Variants in GLS observed in about 807,000 individuals in gnomAD.
GLS encodes the protein glutaminase kidney isoform, mitochondrial.
Under a neutral mutation model 86.7 loss-of-function variants are expected in GLS, and 36 were observed. The ratio of observed to expected loss-of-function variants is 0.42; its 90% CI spans 0.32 to 0.55. The LOEUF is 0.55. Ranked by LOEUF, GLS falls within the 20% of genes least tolerant of loss-of-function variation. The probability of loss-of-function intolerance (pLI) is 0.17; values close to 1 mark genes in which losing one functional copy is unlikely to be tolerated. For missense variants in GLS, 528 were observed against 833.4 expected (o/e 0.63, Z 4.51); for synonymous variants, 317 against 305.9 (o/e 1.04, Z -0.38).
Position 190,950,380 on chromosome 2 carries a change from G to A in GLS, c.1651-3185G>A, listed in dbSNP as rs138195168. 5.7e-3 allele frequency among the ~76,000 whole-genome samples: 862 copies of A among 152,324 alleles called. 13 individuals are homozygous for A. Among genetic ancestry groups the A allele is most frequent in the African/African-American group, 0.018 (760 of 41,576 alleles). On this transcript the variant is annotated intron_variant, in intron 14 of 17. Coordinates refer to ENST00000320717, the MANE Select transcript of GLS (RefSeq NM_014905.5). ...TCCCTATGGCAGCAGAGGTGATAAGGTGGTGGTTCAGATGAGGCCTAAGGC... is the reference window on the plus strand; with the variant it reads ...TCCCTATGGCAGCAGAGGTGATAAGATGGTGGTTCAGATGAGGCCTAAGGC...
At position 190,924,780 on chromosome 2, in the gene GLS, T is replaced by C. The variant is rs111482492; in HGVS notation, c.1248+187T>C. The stretch of plus-strand genomic sequence containing the variant: ...AAATACAAAAATTATTCGGGTGTGG[T>C]AGTGTGTGCCTGTAGTCCCAGTTAC... On this transcript the variant is annotated intron_variant, in intron 11 of 17. Coordinates refer to ENST00000320717, the MANE Select transcript of GLS (RefSeq NM_014905.5). The surrounding 1 kb of genome is among the most constrained non-coding windows in gnomAD (Gnocchi z 5.2). 1 of 492,252 alleles carries C rather than the reference T, an allele frequency of 2.0e-6. No individual in the cohort carries two copies. The allele number at this position is 492,252 out of a possible 1,614,324, so 30.5% of individuals were successfully genotyped here.
intron 14 of GLS, chr2:190,934,742 C>T: frequency 1.0e-6 from 1 of 973,256 alleles, no homozygotes; most frequent in Admixed American, 6.2e-5. Context: ...ATTTGTGTCA[C>T]TTACTATTTT....
At chr2:190,904,937 A>G (rs993063141) in intron 5 of GLS, 67 bp from the exon 6 acceptor site, 6 of 900,776 alleles carry the variant, frequency 6.7e-6, no homozygotes, top group African/African-American at 3.4e-5. Context: ...AAAAAGAATA[A>G]TTCCAACTAT....
intron 1 of GLS, among the ~76,000 whole-genome samples, chr2:190,882,477 A>G (rs1038677487): frequency 1.3e-5 from 2 of 151,646 alleles, no homozygotes; most frequent in Non-Finnish European, 2.9e-5. Flanking sequence ...ATTATACCTT[A>G]CTCTTTTTCT....
chr2:190,920,809 T>C lies in GLS; in HGVS notation c.1039-215T>C, dbSNP rs142349158. On this transcript the variant is annotated intron_variant, in intron 7 of 17. Coordinates refer to ENST00000320717, the MANE Select transcript of GLS (RefSeq NM_014905.5). This position sits in a 1 kb window ranked among gnomAD's most constrained non-coding sequence, Gnocchi z 4.2. ...GTAAAGATATACTTAAAATAAAGCA[T>C]TCCCTTTGTAATTCTAATGCATTCT... Among the ~76,000 whole-genome samples, 1 of 151,862 alleles carries C rather than the reference T, an allele frequency of 6.6e-6. No individual in the cohort carries two copies. Among genetic ancestry groups the C allele is most frequent in the East Asian group, 1.9e-4 (1 of 5,180 alleles).
chr2:190,887,083 A>T (rs1247712322), intron 1 of GLS, among the ~76,000 whole-genome samples: 1 of 152,224 alleles, frequency 6.6e-6, no homozygotes, highest in African/African-American at 2.4e-5. Context: ...GTTATATTTT[A>T]TAGTTGCCTG....
intron 7 of GLS, among the ~76,000 whole-genome samples, chr2:190,911,722 A>C (rs1253194599): frequency 6.6e-6 from 1 of 152,108 alleles, no homozygotes; most frequent in African/African-American, 2.4e-5. Context: ...AACACATACT[A>C]TAATGTATGT....
chr2:190,887,113 A>G (rs1319536178), intron 1 of GLS, among the ~76,000 whole-genome samples: 1 of 152,178 alleles, frequency 6.6e-6, no homozygotes, highest in African/African-American at 2.4e-5. Flanking sequence ...TTTCACCTTT[A>G]AGTCATTTGC....
At position 190,954,714 on chromosome 2, in the gene GLS, G is replaced by T. The variant is rs1361124068; in HGVS notation, c.1790-41G>T. On this transcript the variant is annotated intron_variant, in intron 16 of 17. Coordinates refer to ENST00000320717, the MANE Select transcript of GLS (RefSeq NM_014905.5). The surrounding 1 kb of genome is among the most constrained non-coding windows in gnomAD (Gnocchi z 4.0). ...TCTTTCCAGATTTAATTTCTACTTA[G>T]TACTAAAATCTGCTCTTTTTTTGGG... 6.2e-7 allele frequency: 1 copy of T among 1,611,610 alleles called. No individual in the cohort carries two copies. The highest frequency in any genetic ancestry group is 1.3e-5 in the African/African-American group (1 of 74,838).
chr2:190,911,426 A>C (rs1052199222), intron 7 of GLS, among the ~76,000 whole-genome samples: 1 of 152,138 alleles, frequency 6.6e-6, no homozygotes, highest in Non-Finnish European at 1.5e-5. Flanking sequence ...GTATTGGCCC[A>C]TTTAATTCTT....
intron 1 of GLS, among the ~76,000 whole-genome samples, chr2:190,886,984 G>A (rs1688405263): frequency 6.6e-6 from 1 of 151,596 alleles, no homozygotes; most frequent in South Asian, 2.1e-4. Context: ...TATTTGAAAT[G>A]AAGAAAAATT....
In GLS at chr2:190,924,053, G is replaced by T; in HGVS notation, c.1197+70G>T. ...TAAAATACATGAAGATGTATGCTAA[G>T]AATTCAACAATAGCCTTTAAGCAAC... On this transcript the variant is annotated intron_variant, in intron 10 of 17. Transcript: ENST00000320717. This position sits in a 1 kb window ranked among gnomAD's most constrained non-coding sequence, Gnocchi z 5.2. 1.2e-6 allele frequency: 1 copy of T among 831,770 alleles called. No individual in the cohort carries two copies. Among genetic ancestry groups the T allele is most frequent in the Non-Finnish European group, 2.0e-6 (1 of 502,640 alleles). The allele number at this position is 831,770 out of a possible 1,614,324, so 51.5% of individuals were successfully genotyped here. A position where few individuals can be genotyped will look rare whatever the true frequency, so the allele number is the denominator to read the frequency against.
intron 7 of GLS, among the ~76,000 whole-genome samples, chr2:190,911,597 G>T (rs529714366): frequency 5.9e-5 from 9 of 152,186 alleles, no homozygotes; most frequent in Non-Finnish European, 8.8e-5. Context: ...TGTAGTGTGG[G>T]ATATGCAAAA....
At chr2:190,917,057 A>C (rs1174638101) in intron 7 of GLS, among the ~76,000 whole-genome samples, 1 of 152,194 alleles carries the variant, frequency 6.6e-6, no homozygotes, top group Non-Finnish European at 1.5e-5. Context: ...TGAAGTTGCC[A>C]CATCAATTGA....
chr2:190,894,910 G>A (rs1443315006), intron 1 of GLS, among the ~76,000 whole-genome samples: 1 of 151,818 alleles, frequency 6.6e-6, no homozygotes, highest in Admixed American at 6.6e-5. Flanking sequence ...TAGAGTTGAT[G>A]ATCAGGGTTT....
At chr2:190,899,703 A>G (rs1236355278) in intron 3 of GLS, among the ~76,000 whole-genome samples, 1 of 152,126 alleles carries the variant, frequency 6.6e-6, no homozygotes, top group South Asian at 2.1e-4. Flanking sequence ...AGAATATACA[A>G]TTGGCTGTAA....
At chr2:190,893,877 G>A (rs917448900) in intron 1 of GLS, among the ~76,000 whole-genome samples, 3 of 152,114 alleles carry the variant, frequency 2.0e-5, no homozygotes, top group Non-Finnish European at 4.4e-5. Flanking sequence ...GAGCTGCCAC[G>A]CCCAGCTTCA....
At chr2:190,918,025 T>TA (rs544944078) in intron 7 of GLS, among the ~76,000 whole-genome samples, 86 of 152,302 alleles carry the variant, frequency 5.6e-4, no homozygotes, top group Admixed American at 3.3e-4. Context: ...AGGCTTGTTA[T>TA]AAGCCCAGGC....
intron 7 of GLS, among the ~76,000 whole-genome samples, chr2:190,918,594 C>T (rs1393518651): frequency 6.6e-6 from 1 of 152,084 alleles, no homozygotes; most frequent in Non-Finnish European, 1.5e-5. Flanking sequence ...ATTGAAGTTC[C>T]ATTTTTAATT....
Sources: gnomAD v4.1 joint callset for allele counts (sites outside exome capture counted in the v4.1 genomes callset) on GRCh38, gnomAD v4.1.1 for gene constraint, Gnocchi (gnomAD v3.1) non-coding constraint, MANE v1.5 for transcripts, NCBI Gene and HGNC (gene_info 2026-07-23, HGNC 2026-07-21) for gene names.